The following TMEM50B variants were observed in gnomAD, a reference collection of about 807,000 sequenced individuals.
TMEM50B encodes the protein transmembrane protein 50B.
In TMEM50B, 14 loss-of-function variants were observed where a neutral mutation model predicts 23.4. The ratio of observed to expected loss-of-function variants is 0.60; its 90% CI spans 0.39 to 0.93. The LOEUF is 0.93. Among genes scored for constraint, TMEM50B ranks in the 40% least tolerant of loss-of-function variants. TMEM50B has a pLI of 0.00. For missense variants in TMEM50B, 159 were observed against 193.0 expected (o/e 0.82, Z 1.04); for synonymous variants, 64 against 62.3 (o/e 1.03, Z -0.13).
rs767118010 is a variant in TMEM50B, at chr21:33,455,790, T to G, written c.374-6A>C. On this transcript the variant is annotated splice_region_variant and splice_polypyrimidine_tract_variant and intron_variant, in intron 5 of 6. Transcript: ENST00000542230. ...TCCCGGATAAACATCAGTATCTACA[T>G]ACACAAAGTAAAACAGATTAGACGG... 6.2e-7 allele frequency: 1 copy of G among 1,612,196 alleles called. No individual in the cohort carries two copies. Among genetic ancestry groups the G allele is most frequent in the Non-Finnish European group, 8.5e-7 (1 of 1,178,436 alleles).
chr21:33,457,144 C>T (rs1172261481), intron 5 of TMEM50B, among the ~76,000 whole-genome samples: 2 of 151,536 alleles, frequency 1.3e-5, no homozygotes, highest in Non-Finnish European at 2.9e-5. Context: ...ATCCCAGCTA[C>T]TTGGGAGATT....
chr21:33,439,907 G>A (rs372559011), intron 7 of TMEM50B, among the ~76,000 whole-genome samples: 7 of 151,882 alleles, frequency 4.6e-5, no homozygotes, highest in African/African-American at 9.7e-5. Flanking sequence ...TTAGCTGGGC[G>A]TGGTGGCTCA....
At chr21:33,456,047 C>CA (rs764829405) in intron 5 of TMEM50B, 28 of 661,746 alleles carry the variant, frequency 4.2e-5, no homozygotes, top group Admixed American at 3.7e-4. Flanking sequence ...CTAGCTACAT[C>CA]AAAACTGCTG....
intron 2 of TMEM50B, chr21:33,468,469 C>G (rs2084284525): frequency 4.5e-6 from 1 of 220,778 alleles, no homozygotes; most frequent in East Asian, 1.0e-4. Context: ...TGGGTTACAT[C>G]AAATTCTGAG....
intron 1 of TMEM50B, among the ~76,000 whole-genome samples, chr21:33,478,207 C>T (rs574121083): frequency 1.3e-5 from 2 of 152,026 alleles, no homozygotes; most frequent in South Asian, 4.2e-4. Context: ...GTGCCCACAC[C>T]TGTAATCCCA....
At chr21:33,453,897 A>G (rs1193383226) in intron 6 of TMEM50B, among the ~76,000 whole-genome samples, 1 of 152,072 alleles carries the variant, frequency 6.6e-6, no homozygotes, top group Non-Finnish European at 1.5e-5. Flanking sequence ...TGAGGTCAGG[A>G]GTTCGAGACC....
At chr21:33,468,336 A>G (rs903056033) in intron 2 of TMEM50B, 4 of 153,396 alleles carry the variant, frequency 2.6e-5, no homozygotes, top group African/African-American at 4.8e-5. Context: ...GGGGAAACAG[A>G]GATGGTATTT....
At chr21:33,465,513 A>C in intron 3 of TMEM50B, 104 bp from the exon 4 acceptor site, 1 of 812,292 alleles carries the variant, frequency 1.2e-6, no homozygotes. Flanking sequence ...CATAACTAAA[A>C]TCAGTATCTG....
downstream of TMEM50B, among the ~76,000 whole-genome samples, chr21:33,447,596 T>C (rs1438824117): frequency 3.9e-5 from 6 of 151,998 alleles, no homozygotes; most frequent in Admixed American, 3.3e-4. Context: ...CCAAATTATA[T>C]GGTTTGATAT....
At chr21:33,440,312 G>A (rs181728371) in intron 7 of TMEM50B, among the ~76,000 whole-genome samples, 2 of 152,170 alleles carry the variant, frequency 1.3e-5, no homozygotes, top group South Asian at 2.1e-4. Flanking sequence ...GGTAAGCTGC[G>A]TGTAGTGGTT....
intron 3 of TMEM50B, among the ~76,000 whole-genome samples, chr21:33,465,728 C>T (rs1409456769): frequency 6.6e-6 from 1 of 152,168 alleles, no homozygotes; most frequent in Non-Finnish European, 1.5e-5. Flanking sequence ...TGCTATCCCA[C>T]TTCAAGGTTC....
intron 7 of TMEM50B, among the ~76,000 whole-genome samples, chr21:33,441,847 T>A: frequency 6.6e-6 from 1 of 152,160 alleles, no homozygotes; most frequent in East Asian, 1.9e-4. Context: ...CCCAGGCTGG[T>A]CTTGAACTCC....
At chr21:33,443,419 C>T (rs373337590) in intron 7 of TMEM50B, among the ~76,000 whole-genome samples, 190 of 151,978 alleles carry the variant, frequency 1.3e-3, no homozygotes, top group Non-Finnish European at 1.9e-3. Flanking sequence ...GGCTGTGCAC[C>T]GCACAACCCC....
At position 33,472,154 on chromosome 21, in the gene TMEM50B, C is replaced by A. The variant is rs77141665; in HGVS notation, c.-41-3228G>T. 2.6e-5 allele frequency among the ~76,000 whole-genome samples: 4 copies of A among 151,602 alleles called. No homozygotes were observed. In the East Asian group the frequency reaches 7.8e-4, roughly 30 times the overall value. On this transcript the variant is annotated intron_variant, in intron 1 of 6. Coordinates refer to ENST00000542230, the MANE Select transcript of TMEM50B (RefSeq NM_006134.7). ...ATCCCAGCACTTTGGGAGGCCAAGG[C>A]GGGGGGATCACGAGGTCAAGAGATC...
rs373599959 is a variant in TMEM50B, at chr21:33,468,847, A to G, written c.39T>C (p.Cys13=). Residue 13 remains cysteine, a synonymous_variant, in exon 2 of 7, where the codon TGT becomes TGC. Coordinates refer to ENST00000542230, the MANE Select transcript of TMEM50B (RefSeq NM_006134.7). ...TTCTCTCACTCCAGTCAATACATTC[A>G]CATTCTGGCCAACGAAAATTATCTA... The part of the protein sequence containing the change: ...GFLDNFRWPE[C]ECIDWSERRN... 63 of 1,613,922 alleles carry G rather than the reference A, an allele frequency of 3.9e-5. No individual in the cohort carries two copies. The African/African-American group carries it at 7.9e-4, about 20-fold the overall frequency.
intron 7 of TMEM50B, among the ~76,000 whole-genome samples, chr21:33,443,962 G>A (rs1419505568): frequency 1.3e-5 from 2 of 152,112 alleles, no homozygotes; most frequent in African/African-American, 2.4e-5. Flanking sequence ...GTGCAATGGC[G>A]GGGTCTTGGC....
At chr21:33,468,686 T>C in intron 2 of TMEM50B, 101 bp downstream of exon 2, 1 of 872,562 alleles carries the variant, frequency 1.1e-6, no homozygotes, top group Admixed American at 2.2e-5. Context: ...AGCAGTGAAA[T>C]AAATAGTTCT....
chr21:33,437,026 TTC>T, intron 8 of TMEM50B: 4 of 1,575,468 alleles, frequency 2.5e-6, no homozygotes, highest in Non-Finnish European at 2.6e-6. Flanking sequence ...GCTGCTAGAG[TTC>T]TGTCTGGACT....
intron 5 of TMEM50B, among the ~76,000 whole-genome samples, chr21:33,458,726 A>G (rs572374300): frequency 3.9e-5 from 6 of 152,316 alleles, no homozygotes; most frequent in South Asian, 2.1e-4. Flanking sequence ...TAAATGGCTG[A>G]ATTATATGGT....
Sources: gnomAD v4.1 joint callset for allele counts (sites outside exome capture counted in the v4.1 genomes callset) on GRCh38, gnomAD v4.1.1 for gene constraint, MANE v1.5 for transcripts, NCBI Gene and HGNC (gene_info 2026-07-23, HGNC 2026-07-21) for gene names.